Variants in AP3B2 observed in about 807,000 individuals in gnomAD.
AP3B2 encodes adaptor related protein complex 3 subunit beta 2, also known as AP-3 complex subunit beta-2.
A neutral mutation model predicts 126.9 loss-of-function variants in AP3B2; 50 were observed. The ratio of observed to expected loss-of-function variants is 0.39; its 90% CI spans 0.31 to 0.50. The LOEUF is 0.50. Ranked by LOEUF, AP3B2 falls within the 20% of genes least tolerant of loss-of-function variation. The pLI, the probability that AP3B2 is intolerant of heterozygous loss-of-function variation, is 0.79. For missense variants in AP3B2, 1,177 were observed against 1,426.4 expected (o/e 0.83, Z 2.82); for synonymous variants, 541 against 565.0 (o/e 0.96, Z 0.60).
chr15:82,709,177 C>T (rs2048839612), intron 1 of AP3B2, among the ~76,000 whole-genome samples: 2 of 152,052 alleles, frequency 1.3e-5, no homozygotes, highest in Admixed American at 1.3e-4. Context: ...ATCCAGGGCC[C>T]GCCTTCCTGA....
intron 1 of AP3B2, chr15:82,691,853 T>C (rs1415391169): frequency 3.0e-6 from 4 of 1,317,098 alleles, no homozygotes; most frequent in Admixed American, 1.7e-5. Context: ...AACTCAGATG[T>C]AGGAAGTTTC....
chr15:82,670,003 C>CAA (rs964942203), intron 14 of AP3B2, among the ~76,000 whole-genome samples: 118 of 11,116 alleles, frequency 0.011, 5 homozygotes, highest in African/African-American at 0.035. Flanking sequence ...AACTCCATCT[C>CAA]AAAAAAAAAA....
intron 14 of AP3B2, among the ~76,000 whole-genome samples, chr15:82,675,221 T>C (rs2048224554): frequency 6.6e-6 from 1 of 152,236 alleles, no homozygotes; most frequent in South Asian, 2.1e-4. Context: ...CAGGGTCACA[T>C]GGTCCAGTGT....
chr15:82,690,644 T>TC (rs1363914087), intron 1 of AP3B2, among the ~76,000 whole-genome samples: 7 of 64,164 alleles, frequency 1.1e-4, no homozygotes, highest in African/African-American at 3.1e-4. Context: ...TTCTTCTTCT[T>TC]TTTTTTTTTT....
rs2048040123 is a variant in AP3B2, at chr15:82,665,436, T to TACACACACAC, written c.1971+20_1971+21insGTGTGTGTGT. 1 of 1,220,322 alleles carries TACACACACAC rather than the reference T, an allele frequency of 8.2e-7. No homozygotes were observed. 75.6% of individuals were successfully genotyped at this position (1,220,322 alleles called of 1,614,324 possible). A position where few individuals can be genotyped will look rare whatever the true frequency, so the allele number is the denominator to read the frequency against. On this transcript the variant is annotated intron_variant, in intron 16 of 26. Coordinates refer to ENST00000535359, the MANE Select transcript of AP3B2 (RefSeq NM_001278512.2). This position sits in a 1 kb window ranked among gnomAD's most constrained non-coding sequence, Gnocchi z 4.4. ...ACACACACACACACACACACACACT[T>TACACACACAC]CAACCCTCCACCCCGCTGACCTCCA...
In AP3B2 at chr15:82,680,889, A is replaced by C. The variant is rs777092639; in HGVS notation, c.719T>G (p.Ile240Ser). The change falls in exon 7 of 27, where the codon ATC (isoleucine) becomes AGC (serine). Residue 240 changes from isoleucine to serine, a missense_variant. Transcript: ENST00000535359. This position sits in a 1 kb window ranked among gnomAD's most constrained non-coding sequence, Gnocchi z 6.1. The part of the protein sequence containing the change: ...DVEEWGQVVI[I>S]SMLTRYARTQ... ...GCGGGCGTAGCGGGTGAGCATGCTGATGATGACCACCTGGCCCCACTCCTC... is the reference window on the plus strand; with the variant it reads ...GCGGGCGTAGCGGGTGAGCATGCTGCTGATGACCACCTGGCCCCACTCCTC... The C allele has an allele frequency of 6.2e-7, 1 of 1,613,790 alleles. No individual in the cohort carries two copies. The highest frequency in any genetic ancestry group is 1.1e-5 in the South Asian group (1 of 91,064).
intron 11 of AP3B2, 88 bp from the exon 12 acceptor site, chr15:82,677,891 T>C: frequency 6.8e-7 from 1 of 1,469,292 alleles, no homozygotes; most frequent in South Asian, 1.4e-5. Context: ...TTTTATGGCT[T>C]ATCATGCCGG....
chr15:82,694,615 T>C (rs1225479068), intron 1 of AP3B2, among the ~76,000 whole-genome samples: 2 of 151,938 alleles, frequency 1.3e-5, no homozygotes, highest in African/African-American at 4.8e-5. Context: ...CACCAAGATG[T>C]TGGAGGCTGC....
At position 82,681,631 on chromosome 15, in the gene AP3B2, TGGG is replaced by T; in HGVS notation, c.361-54_361-52del. On this transcript the variant is annotated intron_variant, in intron 4 of 26. Transcript: ENST00000535359. The surrounding 1 kb of genome is among the most constrained non-coding windows in gnomAD (Gnocchi z 4.0). Reference sequence around the variant, plus strand: ...TATGAAAGGGCACCAGGTGCCCTGATGGGGGGAGGCCACACCTTTGGAAGTCAC... The same window carrying T: ...TATGAAAGGGCACCAGGTGCCCTGATGGGAGGCCACACCTTTGGAAGTCAC... 1 of 1,579,772 alleles carries T rather than the reference TGGG, an allele frequency of 6.3e-7. No individual in the cohort carries two copies.
intron 4 of AP3B2, among the ~76,000 whole-genome samples, chr15:82,682,299 C>T (rs1663749226): frequency 6.6e-6 from 1 of 152,066 alleles, no homozygotes. Context: ...GTGATCCGCC[C>T]ACCTCGGCCT....
chr15:82,682,565 T>A (rs960709340), intron 4 of AP3B2, among the ~76,000 whole-genome samples: 5 of 152,064 alleles, frequency 3.3e-5, no homozygotes, highest in African/African-American at 1.2e-4. Context: ...ATAAATTTTT[T>A]GTTTCCTGGT....
chr15:82,659,642 G>A lies in AP3B2; in HGVS notation c.3224C>T (p.Ala1075Val). 6.2e-7 allele frequency: 1 copy of A among 1,613,978 alleles called. No individual in the cohort carries two copies. The highest frequency in any genetic ancestry group is 8.5e-7 in the Non-Finnish European group (1 of 1,179,880). The stretch of plus-strand genomic sequence containing the variant: ...CTCGCTGTTGACAGTCAGCTGGGCA[G>A]CTCCAGCTGGCCGGGCATCCAGGGT... ...LLTLDARPAG[A>V]AQLTVNSEKM... Residue 1075 changes from alanine (A) to valine (V), a missense_variant, in exon 27 of 27, where the codon GCT becomes GTT. Around this residue, in one of 5 missense-constraint regions of AP3B2, gnomAD observed 587 missense variants for 571.3 expected, o/e 1.03. Coordinates refer to ENST00000535359, the MANE Select transcript of AP3B2 (RefSeq NM_001278512.2).
At chr15:82,683,080 A>G (rs1362659028) in intron 4 of AP3B2, among the ~76,000 whole-genome samples, 1 of 48,310 alleles carries the variant, frequency 2.1e-5, no homozygotes, top group Non-Finnish European at 4.5e-5. Flanking sequence ...TTTTTTTGTA[A>G]CGGAGTCTCG....
At chr15:82,669,314 T>A (rs2048110249) in intron 14 of AP3B2, among the ~76,000 whole-genome samples, 1 of 152,244 alleles carries the variant, frequency 6.6e-6, no homozygotes, top group African/African-American at 2.4e-5. Context: ...TATGATCTTA[T>A]ATTTAAAAAA....
chr15:82,662,616 A>T (rs754359357), intron 23 of AP3B2, 78 bp downstream of exon 23: 4 of 1,381,722 alleles, frequency 2.9e-6, no homozygotes, highest in Non-Finnish European at 4.0e-6. Context: ...GCCTGGCACA[A>T]GGAGGGTATC....
chr15:82,674,099 T>G (rs2048203666), intron 14 of AP3B2, among the ~76,000 whole-genome samples: 1 of 152,212 alleles, frequency 6.6e-6, no homozygotes, highest in South Asian at 2.1e-4. Context: ...GGCCTCATCT[T>G]GGTCATTTCC....
chr15:82,680,430 G>A lies in AP3B2; in HGVS notation c.1055+42C>T. ...GGAGCCGGGCAGCCCGTGGGGCGGG[G>A]CAGGAGGCGAGGGAGGGGGCGGGGC... On this transcript the variant is annotated intron_variant, in intron 8 of 26. Transcript: ENST00000535359. This position sits in a 1 kb window ranked among gnomAD's most constrained non-coding sequence, Gnocchi z 6.1. 1 of 1,447,942 alleles carries A rather than the reference G, an allele frequency of 6.9e-7. No homozygotes were observed. The allele number at this position is 1,447,942 out of a possible 1,614,324, so 89.7% of individuals were successfully genotyped here. A position where few individuals can be genotyped will look rare whatever the true frequency, so the allele number is the denominator to read the frequency against.
At chr15:82,688,402 AG>A (rs1486385422) in intron 4 of AP3B2, 2 of 701,916 alleles carry the variant, frequency 2.8e-6, no homozygotes, top group Admixed American at 2.0e-5. Flanking sequence ...CTTTACACAA[AG>A]GGGGGTGAGG....
chr15:82,682,856 G>A (rs1043619044), intron 4 of AP3B2, among the ~76,000 whole-genome samples: 1 of 151,848 alleles, frequency 6.6e-6, no homozygotes, highest in Admixed American at 6.6e-5. Flanking sequence ...GGAGGCTGAG[G>A]TAGGAGGATT....
Sources: gnomAD v4.1 joint callset for allele counts (sites outside exome capture counted in the v4.1 genomes callset) on GRCh38, gnomAD v4.1.1 for gene constraint, gnomAD v4.1.1 regional missense constraint, Gnocchi (gnomAD v3.1) non-coding constraint, MANE v1.5 for transcripts, NCBI Gene and HGNC (gene_info 2026-07-23, HGNC 2026-07-21) for gene names.